Variants in GALNT18 observed in about 807,000 individuals in gnomAD.
GALNT18 encodes the protein GalNAc-transferase 18.
In GALNT18, 44 loss-of-function variants were observed where a neutral mutation model predicts 69.5. The observed-to-expected ratio is 0.63, with a 90% confidence interval of 0.50 to 0.81. The LOEUF (loss-of-function observed/expected upper bound fraction) is 0.81, where lower values mean the gene tolerates loss of function less well. Ranked by LOEUF, GALNT18 falls within the 40% of genes least tolerant of loss-of-function variation. The probability of loss-of-function intolerance (pLI) is 0.00; values close to 1 mark genes in which losing one functional copy is unlikely to be tolerated. For missense variants in GALNT18, 715 were observed against 810.0 expected, an observed-to-expected ratio of 0.88 and a Z score of 1.42; for synonymous variants, 364 against 318.2, an observed-to-expected ratio of 1.14 and a Z score of -1.53.
intron 1 of GALNT18, among the ~76,000 whole-genome samples, chr11:11,569,542 G>A (rs551807253): frequency 6.6e-6 from 1 of 152,356 alleles, no homozygotes; most frequent in South Asian, 2.1e-4. Context: ...CCAAGGGGCT[G>A]GGAGCTTTTG....
At position 11,496,200 on chromosome 11, in the gene GALNT18, C is replaced by T. The variant is rs1486069492; in HGVS notation, c.236-47264G>A. Reference sequence around the variant, plus strand: ...AACACTTCTCCACTAACTTAAAGGGCTGGTTTAGAATATAGCAATAGAGTT... The same window carrying T: ...AACACTTCTCCACTAACTTAAAGGGTTGGTTTAGAATATAGCAATAGAGTT... On this transcript the variant is annotated intron_variant, in intron 1 of 10. Transcript: ENST00000227756. This position sits in a 1 kb window ranked among gnomAD's most constrained non-coding sequence, Gnocchi z 4.0. Among the ~76,000 whole-genome samples, 1 of 152,204 alleles carries T rather than the reference C, an allele frequency of 6.6e-6. No homozygotes were observed.
rs79772537 is a variant in GALNT18 at position 11,511,347 on chromosome 11, T to A, written c.236-62411A>T. 0.016 allele frequency among the ~76,000 whole-genome samples: 2,509 copies of A among 152,226 alleles called. 73 individuals carry two copies. Among genetic ancestry groups the A allele is most frequent in the African/African-American group, 0.056 (2,326 of 41,520 alleles). On this transcript the variant is annotated intron_variant, in intron 1 of 10. Transcript: ENST00000227756. The surrounding 1 kb of genome is among the most constrained non-coding windows in gnomAD (Gnocchi z 4.9). ...CCTGGTCTCAGACCTTACACACTGG[T>A]CTGCAAAGAGCTACAGCTCAAGGTT...
rs1856888840 is a variant in GALNT18, at chr11:11,497,435, G to T, written c.236-48499C>A. The stretch of plus-strand genomic sequence containing the variant: ...GGTCTTATGGAGCAAGACTTTATGG[G>T]TCCCTGCTCTTATGCAGGGCCTGTT... On this transcript the variant is annotated intron_variant, in intron 1 of 10. Coordinates refer to ENST00000227756, the MANE Select transcript of GALNT18 (RefSeq NM_198516.3). The surrounding 1 kb of genome is among the most constrained non-coding windows in gnomAD (Gnocchi z 4.2). Among the ~76,000 whole-genome samples the T allele has an allele frequency of 6.7e-6, 1 of 149,478 alleles. No homozygotes were observed. The highest frequency in any genetic ancestry group is 2.2e-4 in the South Asian group (1 of 4,620).
rs907131646 is a variant in GALNT18 at position 11,377,651 on chromosome 11, G to A, written c.780-272C>T. Among the ~76,000 whole-genome samples, 5 of 142,470 alleles carry A rather than the reference G, an allele frequency of 3.5e-5. No homozygotes were observed. Among genetic ancestry groups the A allele is most frequent in the African/African-American group, 5.3e-5 (2 of 37,792 alleles). 93.5% of individuals were successfully genotyped at this position (142,470 alleles called of 152,430 possible). A position where few individuals can be genotyped will look rare whatever the true frequency, so the allele number is the denominator to read the frequency against. On this transcript the variant is annotated intron_variant, in intron 4 of 10. Transcript: ENST00000227756. The surrounding 1 kb of genome is among the most constrained non-coding windows in gnomAD (Gnocchi z 4.6). Reference sequence around the variant, plus strand: ...ATTCCAGCCAACCTTGTGCCTGCTCGCTTTCCCTTTCTCCATTAGAAAAAA... The same window carrying A: ...ATTCCAGCCAACCTTGTGCCTGCTCACTTTCCCTTTCTCCATTAGAAAAAA...
chr11:11,501,052 T>C lies in GALNT18; in HGVS notation c.236-52116A>G, dbSNP rs369893148. 6.6e-4 allele frequency among the ~76,000 whole-genome samples: 100 copies of C among 152,340 alleles called. 2 individuals carry two copies. The South Asian group carries it at 0.02, about 30-fold the overall frequency. ...GACAGCCAAGCCTGGGCAGCACCTC[T>C]GAGACGCCCTCTCGTTTCCACTCAC... On this transcript the variant is annotated intron_variant, in intron 1 of 10. Transcript: ENST00000227756.
intron 3 of GALNT18, among the ~76,000 whole-genome samples, chr11:11,381,911 C>T (rs927591309): frequency 1.3e-5 from 2 of 152,216 alleles, no homozygotes; most frequent in Admixed American, 6.5e-5. Context: ...GTTTGTTATA[C>T]ACAATGGCTG....
chr11:11,355,713 T>C (rs982453812), intron 6 of GALNT18, among the ~76,000 whole-genome samples: 1 of 152,124 alleles, frequency 6.6e-6, no homozygotes, highest in Non-Finnish European at 1.5e-5. Flanking sequence ...ATTACTACAA[T>C]CCTAGTGTGG....
rs749071505 is a variant in GALNT18 at position 11,463,868 on chromosome 11, T to A, written c.236-14932A>T. 6.6e-6 allele frequency among the ~76,000 whole-genome samples: 1 copy of A among 152,184 alleles called. No individual in the cohort carries two copies. Among genetic ancestry groups the A allele is most frequent in the Non-Finnish European group, 1.5e-5 (1 of 68,026 alleles). On this transcript the variant is annotated intron_variant, in intron 1 of 10. Transcript: ENST00000227756. This position sits in a 1 kb window ranked among gnomAD's most constrained non-coding sequence, Gnocchi z 4.2. ...TCGACGCTCTGTATTATGAATGCAG[T>A]ATGTGTCCGGCGGAATGTGTGCAAA...
chr11:11,367,412 AG>A (rs1850796890), intron 6 of GALNT18, among the ~76,000 whole-genome samples: 1 of 152,218 alleles, frequency 6.6e-6, no homozygotes. Flanking sequence ...TATTCAGAGA[AG>A]GAGTCAGTGA....
rs1254579187 is a variant in GALNT18, at chr11:11,382,165, A to G, written c.596-2901T>C. Among the ~76,000 whole-genome samples, 1 of 152,210 alleles carries G rather than the reference A, an allele frequency of 6.6e-6. No individual in the cohort carries two copies. Among genetic ancestry groups the G allele is most frequent in the Non-Finnish European group, 1.5e-5 (1 of 68,048 alleles). Reference sequence around the variant, plus strand: ...AAAAATTCCATCCCCAGTTAGTTGCATCCCAAACATGTGCTGCTGATTAGA... The same window carrying G: ...AAAAATTCCATCCCCAGTTAGTTGCGTCCCAAACATGTGCTGCTGATTAGA... On this transcript the variant is annotated intron_variant, in intron 3 of 10. Transcript: ENST00000227756. This position sits in a 1 kb window ranked among gnomAD's most constrained non-coding sequence, Gnocchi z 4.3.
intron 6 of GALNT18, chr11:11,352,168 C>T (rs766115254): frequency 1.2e-6 from 2 of 1,613,682 alleles, no homozygotes; most frequent in South Asian, 1.1e-5. Context: ...TGCTCCATGG[C>T]CTCTCTTGCA....
chr11:11,609,902 C>A (rs1488307848), intron 1 of GALNT18, among the ~76,000 whole-genome samples: 1 of 152,114 alleles, frequency 6.6e-6, no homozygotes, highest in Non-Finnish European at 1.5e-5. Context: ...GGTCCCCTAC[C>A]CCACCCCATG....
intron 3 of GALNT18, among the ~76,000 whole-genome samples, chr11:11,412,925 A>C (rs1158743735): frequency 6.6e-6 from 1 of 152,128 alleles, no homozygotes; most frequent in Non-Finnish European, 1.5e-5. Context: ...ACTCTCAACC[A>C]ATGATGGAAG....
At chr11:11,344,052 T>A (rs1165277578) in intron 6 of GALNT18, among the ~76,000 whole-genome samples, 1 of 152,100 alleles carries the variant, frequency 6.6e-6, no homozygotes, top group East Asian at 1.9e-4. Context: ...ATATTCCTTC[T>A]CCAAGCTCTT....
intron 8 of GALNT18, among the ~76,000 whole-genome samples, chr11:11,329,592 C>G (rs1273464763): frequency 6.6e-6 from 1 of 152,206 alleles, no homozygotes; most frequent in Non-Finnish European, 1.5e-5. Flanking sequence ...CTGTGCTTCA[C>G]TAGCACCCCA....
chr11:11,419,596 CAAA>C lies in GALNT18; in HGVS notation c.595+13022_595+13024del, dbSNP rs58012512. 5.0e-3 allele frequency among the ~76,000 whole-genome samples: 133 copies of C among 26,618 alleles called. 2 individuals are homozygous for C. Among genetic ancestry groups the C allele is most frequent in the African/African-American group, 0.011 (116 of 10,098 alleles). The allele number at this position is 26,618 out of a possible 152,430, so 17.5% of individuals were successfully genotyped here. A position where few individuals can be genotyped will look rare whatever the true frequency, so the allele number is the denominator to read the frequency against. ...TGGGCAACAAAGCAAGATCCTGTCT[CAAA>C]AAAAAAAAAAAAAAAAAAAAAAAGA... On this transcript the variant is annotated intron_variant, in intron 3 of 10. Transcript: ENST00000227756.
At chr11:11,533,681 C>CT (rs943128659) in intron 1 of GALNT18, among the ~76,000 whole-genome samples, 1 of 152,174 alleles carries the variant, frequency 6.6e-6, no homozygotes, top group Non-Finnish European at 1.5e-5. Context: ...TGTATTCTGG[C>CT]TTTTTTTCCT....
chr11:11,520,002 G>A lies in GALNT18; in HGVS notation c.236-71066C>T, dbSNP rs763417394. Among the ~76,000 whole-genome samples the A allele has an allele frequency of 5.4e-4, 82 of 152,236 alleles. 1 individual carries two copies. Among genetic ancestry groups the A allele is most frequent in the Non-Finnish European group, 1.6e-4 (11 of 68,042 alleles). On this transcript the variant is annotated intron_variant, in intron 1 of 10. Coordinates refer to ENST00000227756, the MANE Select transcript of GALNT18 (RefSeq NM_198516.3). ...AGACCCGGAAGAGGTCACCAAAGGA[G>A]GGGTCCAAGAGCTAGAGGCAGCCAG...
chr11:11,472,877 A>T (rs1208219404), intron 1 of GALNT18, among the ~76,000 whole-genome samples: 1 of 152,202 alleles, frequency 6.6e-6, no homozygotes, highest in East Asian at 1.9e-4. Flanking sequence ...CTGTAGTCCC[A>T]GCTACTCAGG....
Sources: gnomAD v4.1 joint callset for allele counts (sites outside exome capture counted in the v4.1 genomes callset) on GRCh38, gnomAD v4.1.1 for gene constraint, Gnocchi (gnomAD v3.1) non-coding constraint, MANE v1.5 for transcripts, NCBI Gene and HGNC (gene_info 2026-07-23, HGNC 2026-07-21) for gene names.